The following FAS variants were observed in gnomAD, a reference collection of about 807,000 sequenced individuals.
FAS encodes the protein Fas cell surface death receptor, also known as tumor necrosis factor receptor superfamily member 6.
A neutral mutation model predicts 33.2 loss-of-function variants in FAS; 5 were observed. That is an observed-to-expected ratio of 0.15 (90% CI 0.08 to 0.32). The LOEUF (loss-of-function observed/expected upper bound fraction) is 0.32, where lower values mean the gene tolerates loss of function less well. FAS is among the 10% of genes least tolerant of loss of function. The pLI is 1.00. For missense variants in FAS, 339 were observed against 386.0 expected, an observed-to-expected ratio of 0.88 and a Z score of 1.02; for synonymous variants, 131 against 130.7, an observed-to-expected ratio of 1.00 and a Z score of -0.01.
At chr10:88,992,004 A>C (rs1408212580) in intron 1 of FAS, among the ~76,000 whole-genome samples, 1 of 152,212 alleles carries the variant, frequency 6.6e-6, no homozygotes, top group South Asian at 2.1e-4. Context: ...CACGAGAGCC[A>C]TGTAGTGGGG....
chr10:88,989,414 A>G, upstream of FAS: 1 of 503,546 alleles, frequency 2.0e-6, no homozygotes, highest in South Asian at 1.5e-5. Context: ...CAGAGATAAT[A>G]CAGAGAATGC....
rs118144787 is a variant in FAS at position 88,993,438 on chromosome 10, C to T, written c.30+2532C>T. Reference sequence around the variant, plus strand: ...GGATCCATGAGGCTCATTTGAATTCCGAAGCCTCTAAGAGTCCATGGATTT... The same window carrying T: ...GGATCCATGAGGCTCATTTGAATTCTGAAGCCTCTAAGAGTCCATGGATTT... On this transcript the variant is annotated intron_variant, in intron 1 of 8. Coordinates refer to ENST00000652046, the MANE Select transcript of FAS (RefSeq NM_000043.6). Among the ~76,000 whole-genome samples the T allele has an allele frequency of 7.0e-4, 107 of 152,172 alleles. No homozygotes were observed. The East Asian group carries it at 0.018, about 25-fold the overall frequency.
chr10:88,979,914 T>C (rs1352700652), intron 2 of FAS, among the ~76,000 whole-genome samples: 3 of 152,026 alleles, frequency 2.0e-5, no homozygotes, highest in African/African-American at 4.8e-5. Context: ...CCTGGCAAAA[T>C]GGAATAATAG....
chr10:88,972,903 A>G (rs1161450829), intron 1 of FAS, among the ~76,000 whole-genome samples: 1 of 152,146 alleles, frequency 6.6e-6, no homozygotes, highest in Non-Finnish European at 1.5e-5. Context: ...ATTTTGTAGG[A>G]TACTAGGTGT....
rs976494054 is a variant in FAS, at chr10:89,015,840, T to C, written c.*1390T>C. 4.7e-6 allele frequency: 2 copies of C among 428,240 alleles called. No individual in the cohort carries two copies. The highest frequency in any genetic ancestry group is 4.0e-5 in the African/African-American group (2 of 50,338). The allele number at this position is 428,240 out of a possible 1,614,324, so 26.5% of individuals were successfully genotyped here. Reference sequence around the variant, plus strand: ...TTGCTTTTTGGTTTTGTCTTCCTTTTCTCTAACTGATGCTAAATATAACTT... The same window carrying C: ...TTGCTTTTTGGTTTTGTCTTCCTTTCCTCTAACTGATGCTAAATATAACTT... On this transcript the variant is annotated 3_prime_UTR_variant, in exon 9 of 9. Transcript: ENST00000652046.
At chr10:88,995,905 A>G (rs759435189) in intron 1 of FAS, among the ~76,000 whole-genome samples, 4 of 152,208 alleles carry the variant, frequency 2.6e-5, no homozygotes, top group African/African-American at 9.7e-5. Flanking sequence ...CTACAAATTC[A>G]ATCAGCAGAT....
rs555147634 is a variant in FAS at position 88,991,115 on chromosome 10, G to A, written c.30+209G>A. ...AGGCCCGGGTGCTCAGAACGCTGGA[G>A]GACTTGCTTTTCTTGGGCCTTGATG... On this transcript the variant is annotated intron_variant, in intron 1 of 8. Coordinates refer to ENST00000652046, the MANE Select transcript of FAS (RefSeq NM_000043.6). 2.8e-5 allele frequency: 18 copies of A among 645,248 alleles called. No homozygotes were observed. The South Asian group carries it at 3.1e-4, about 11-fold the overall frequency. The allele number at this position is 645,248 out of a possible 1,614,324, so 40.0% of individuals were successfully genotyped here. A position where few individuals can be genotyped will look rare whatever the true frequency, so the allele number is the denominator to read the frequency against.
intron 1 of FAS, among the ~76,000 whole-genome samples, chr10:88,965,430 C>G (rs1045044624): frequency 6.6e-6 from 1 of 152,152 alleles, no homozygotes; most frequent in Admixed American, 6.6e-5. Context: ...AGATAAGATG[C>G]ATAAGATAAG....
intron 2 of FAS, chr10:88,974,783 C>A (rs1846526524): frequency 6.6e-6 from 1 of 152,138 alleles, no homozygotes; most frequent in Non-Finnish European, 1.5e-5. Flanking sequence ...TTTTTGGGAT[C>A]CTGATTAATG....
upstream of FAS, among the ~76,000 whole-genome samples, chr10:88,983,324 A>C (rs1370548077): frequency 3.3e-5 from 5 of 152,220 alleles, no homozygotes; most frequent in African/African-American, 4.8e-5. Context: ...TTAAGAAAAT[A>C]ATATGACAAG....
Position 89,014,975 on chromosome 10 carries a change from G to A in FAS, c.*525G>A. The A allele has an allele frequency of 1.9e-6, 1 of 533,562 alleles. No homozygotes were observed. Among genetic ancestry groups the A allele is most frequent in the East Asian group, 3.9e-5 (1 of 25,648 alleles). 33.1% of individuals were successfully genotyped at this position (533,562 alleles called of 1,614,324 possible). A position where few individuals can be genotyped will look rare whatever the true frequency, so the allele number is the denominator to read the frequency against. On this transcript the variant is annotated 3_prime_UTR_variant, in exon 9 of 9. Transcript: ENST00000652046. ...AAGATCATATTTATGTAAAGTATAT[G>A]TATTTGAGTGCAGAATTTAAATAAG...
At chr10:88,982,384 G>T (rs1220930045), upstream of FAS, among the ~76,000 whole-genome samples, 1 of 151,960 alleles carries the variant, frequency 6.6e-6, no homozygotes, top group Non-Finnish European at 1.5e-5. Context: ...AAAGACAATG[G>T]ATTATTTGGT....
upstream of FAS, chr10:88,990,534 AC>A (rs1283463135): frequency 1.6e-6 from 1 of 613,438 alleles, no homozygotes. This position sits in a 1 kb window ranked among gnomAD's most constrained non-coding sequence, Gnocchi z 4.9. Context: ...CCCCCTCCCT[AC>A]CCGCGCGCAG....
intron 2 of FAS, among the ~76,000 whole-genome samples, chr10:88,977,033 AT>A: frequency 6.6e-6 from 1 of 152,196 alleles, no homozygotes; most frequent in Non-Finnish European, 1.5e-5. Flanking sequence ...ATTTTCTGCT[AT>A]TTTGACATCT....
At chr10:88,974,376 T>A (rs1299301171) in intron 2 of FAS, 8 of 152,194 alleles carry the variant, frequency 5.3e-5, no homozygotes, top group Non-Finnish European at 1.2e-4. Flanking sequence ...GTACTTTATG[T>A]ATTAAAAGTG....
intron 1 of FAS, chr10:88,991,340 C>T (rs2133389357): frequency 3.2e-6 from 1 of 317,266 alleles, no homozygotes; most frequent in Non-Finnish European, 6.1e-6. Context: ...GCCAAAGGTC[C>T]GCTCCGGCGC....
At chr10:88,968,202 T>C (rs535908611) in intron 1 of FAS, among the ~76,000 whole-genome samples, 90 of 152,350 alleles carry the variant, frequency 5.9e-4, no homozygotes, top group African/African-American at 2.0e-3. Context: ...TCAGAAATGT[T>C]ACGTATAGAC....
intron 1 of FAS, chr10:88,973,062 G>GT (rs1846485939): frequency 8.7e-7 from 1 of 1,146,428 alleles, no homozygotes; most frequent in South Asian, 1.8e-5. Context: ...AGCTAACCTT[G>GT]TAAGTACTTA....
chr10:89,012,347 A>T (rs954622035), intron 7 of FAS: 8 of 368,954 alleles, frequency 2.2e-5, no homozygotes, highest in African/African-American at 1.7e-4. Flanking sequence ...TTAATTTTTT[A>T]TTTTTATTTT....
Sources: allele counts gnomAD v4.1 joint callset (sites outside exome capture counted in the v4.1 genomes callset), GRCh38; gene constraint gnomAD v4.1.1; non-coding constraint Gnocchi (gnomAD v3.1); transcripts MANE v1.5; gene names NCBI Gene and HGNC (gene_info 2026-07-23, HGNC 2026-07-21).